The following ACOT12 variants were observed in gnomAD, a reference collection of about 807,000 sequenced individuals.
ACOT12 encodes the protein acetyl-coenzyme A thioesterase.
ACOT12 carries 51 observed loss-of-function variants against 67.7 expected under a neutral mutation model. The observed-to-expected ratio is 0.75, with a 90% CI of 0.60 to 0.95. ACOT12 has a LOEUF of 0.95. Ranked by LOEUF, ACOT12 falls within the 40% of genes least tolerant of loss-of-function variation. ACOT12 has a pLI of 0.00. For synonymous variants in ACOT12, 251 were observed against 244.6 expected, an observed-to-expected ratio of 1.03 and a Z score of -0.24; for missense variants, 734 against 708.1, an observed-to-expected ratio of 1.04 and a Z score of -0.41.
intron 11 of ACOT12, among the ~76,000 whole-genome samples, chr5:81,338,223 A>G (rs1210571650): frequency 1.3e-5 from 2 of 152,160 alleles, no homozygotes; most frequent in Non-Finnish European, 2.9e-5. Context: ...GAATATAGAG[A>G]TTCAATTTAT....
At chr5:81,383,621 T>G (rs1198277266) in intron 2 of ACOT12, among the ~76,000 whole-genome samples, 2 of 152,142 alleles carry the variant, frequency 1.3e-5, no homozygotes, top group Admixed American at 1.3e-4. Context: ...CATAAGACCT[T>G]CTAGTAAGAC....
At chr5:81,373,019 G>A (rs1405835737) in intron 2 of ACOT12, among the ~76,000 whole-genome samples, 3 of 152,162 alleles carry the variant, frequency 2.0e-5, no homozygotes, top group Non-Finnish European at 2.9e-5. Flanking sequence ...TAATAACAAT[G>A]ACTACTCTCT....
intron 2 of ACOT12, among the ~76,000 whole-genome samples, chr5:81,381,068 C>CA (rs1314701349): frequency 7.0e-6 from 1 of 142,318 alleles, no homozygotes; most frequent in Non-Finnish European, 1.6e-5. Flanking sequence ...GTATTAAAAC[C>CA]TTTTTTTTTT....
At chr5:81,383,124 G>C (rs1424748322) in intron 2 of ACOT12, among the ~76,000 whole-genome samples, 1 of 152,104 alleles carries the variant, frequency 6.6e-6, no homozygotes, top group Non-Finnish European at 1.5e-5. Context: ...GCCGGGCGTG[G>C]TGGCAGGCGC....
At chr5:81,366,168 T>C (rs1213373879) in intron 3 of ACOT12, among the ~76,000 whole-genome samples, 1 of 152,196 alleles carries the variant, frequency 6.6e-6, no homozygotes, top group Non-Finnish European at 1.5e-5. Flanking sequence ...AAATCTTCCA[T>C]AGAAGAGTTT....
chr5:81,318,339 A>G, the ACOT12 span, among the ~76,000 whole-genome samples: 1 of 152,210 alleles, frequency 6.6e-6, no homozygotes, highest in Non-Finnish European at 1.5e-5. Flanking sequence ...TTTTGAAATC[A>G]TTGACCACAA....
chr5:81,363,942 C>T, intron 3 of ACOT12, 53 bp from the exon 4 acceptor site: 1 of 1,338,422 alleles, frequency 7.5e-7, no homozygotes, highest in Non-Finnish European at 9.9e-7. Context: ...CAGATTTCAG[C>T]ATTCAAAATT....
intron 1 of ACOT12, among the ~76,000 whole-genome samples, chr5:81,388,497 A>G (rs1475199439): frequency 2.0e-5 from 3 of 152,244 alleles, no homozygotes; most frequent in Non-Finnish European, 4.4e-5. Context: ...AACAAAGAGA[A>G]GCTAAGTGAT....
the ACOT12 span, chr5:81,308,658 G>A: frequency 1.1e-4 from 178 of 1,613,606 alleles, no homozygotes; most frequent in Non-Finnish European, 1.4e-4. Context: ...TACAGGTGTG[G>A]GTCCACAGAG....
chr5:81,311,180 A>G, the ACOT12 span: 358 of 1,612,886 alleles, frequency 2.2e-4, 2 homozygotes, highest in African/African-American at 4.1e-3. Context: ...CAAGTATGAG[A>G]TGGTATTCAG....
chr5:81,331,261 GGT>G (rs1758813765), intron 13 of ACOT12, among the ~76,000 whole-genome samples: 1 of 152,202 alleles, frequency 6.6e-6, no homozygotes, highest in Non-Finnish European at 1.5e-5. Flanking sequence ...AAACAGGCCG[GGT>G]GCAGTGGCTC....
intron 2 of ACOT12, among the ~76,000 whole-genome samples, chr5:81,379,090 T>G (rs1419571371): frequency 1.3e-5 from 2 of 152,062 alleles, no homozygotes; most frequent in Non-Finnish European, 2.9e-5. Flanking sequence ...CAAATGCCCA[T>G]CAATGATAGA....
the ACOT12 span, among the ~76,000 whole-genome samples, chr5:81,315,742 T>C: frequency 6.6e-6 from 1 of 152,122 alleles, no homozygotes; most frequent in Non-Finnish European, 1.5e-5. Flanking sequence ...GAGTTTGCCA[T>C]ATGTGAGGGA....
chr5:81,338,059 A>C (rs1759059840), intron 11 of ACOT12, among the ~76,000 whole-genome samples: 1 of 152,212 alleles, frequency 6.6e-6, no homozygotes. Context: ...CCTGCTGTAT[A>C]AATCAATGAT....
intron 8 of ACOT12, 33 bp downstream of exon 8, chr5:81,344,858 C>A: frequency 6.2e-7 from 1 of 1,611,894 alleles, no homozygotes. Context: ...ATTCACAGGT[C>A]CGGCTATTGA....
chr5:81,382,688 C>G (rs1195134981), intron 2 of ACOT12, among the ~76,000 whole-genome samples: 1 of 151,844 alleles, frequency 6.6e-6, no homozygotes, highest in African/African-American at 2.4e-5. Context: ...GTAATCCCAG[C>G]TACTTCGGGA....
Position 81,394,056 on chromosome 5 carries a change from G to T in ACOT12, c.59C>A (p.Ala20Asp). The T allele has an allele frequency of 1.4e-6, 2 of 1,474,612 alleles. No homozygotes were observed. The highest frequency in any genetic ancestry group is 1.8e-6 in the Non-Finnish European group (2 of 1,119,322). The allele number at this position is 1,474,612 out of a possible 1,614,324, so 91.3% of individuals were successfully genotyped here. Reference protein sequence around the residue: ...VMSQAIQPAHATARGELSAGQ... With the variant: ...VMSQAIQPAHDTARGELSAGQ... ...CGCGCTCAGCTCGCCGCGCGCAGTG[G>T]CGTGCGCCGGCTGGATGGCTTGGCT... Residue 20 changes from alanine (A) to aspartate (D), a missense_variant, in exon 1 of 15, where the codon GCC (alanine) becomes GAC (aspartate). Transcript: ENST00000307624.
At chr5:81,330,712 A>C in intron 14 of ACOT12, 102 bp downstream of exon 14, 4 of 1,539,824 alleles carry the variant, frequency 2.6e-6, no homozygotes, top group Non-Finnish European at 2.6e-6. Context: ...TAGTGTGGAC[A>C]CAAATTACAA....
chr5:81,310,403 A>G, the ACOT12 span, among the ~76,000 whole-genome samples: 2 of 152,154 alleles, frequency 1.3e-5, no homozygotes, highest in African/African-American at 4.8e-5. Flanking sequence ...GAGGTAAAGC[A>G]TTATGTTGGG....
Sources: gnomAD v4.1 joint callset for allele counts (sites outside exome capture counted in the v4.1 genomes callset) on GRCh38, gnomAD v4.1.1 for gene constraint, MANE v1.5 for transcripts, NCBI Gene and HGNC (gene_info 2026-07-23, HGNC 2026-07-21) for gene names.